The following ADAM2 variants were observed in gnomAD, a reference collection of about 807,000 sequenced individuals.
The protein encoded by ADAM2 is disintegrin and metalloproteinase domain-containing protein 2.
A neutral mutation model predicts 99.3 loss-of-function variants in ADAM2; 101 were observed. That is an observed-to-expected ratio of 1.02 (90% CI 0.87 to 1.20). ADAM2 has a LOEUF of 1.20. ADAM2 is among the 50% of genes most tolerant of loss of function. The pLI is 0.00. For missense variants in ADAM2, 948 were observed against 878.7 expected (o/e 1.08, Z -1.00); for synonymous variants, 323 against 287.6 (o/e 1.12, Z -1.25).
In ADAM2 at chr8:39,824,852, T is replaced by C; in HGVS notation, c.234A>G (p.Thr78=). 6.3e-7 allele frequency: 1 copy of C among 1,577,938 alleles called. No individual in the cohort carries two copies. Among genetic ancestry groups the C allele is most frequent in the Non-Finnish European group, 8.7e-7 (1 of 1,153,024 alleles). Residue 78 remains threonine, a synonymous_variant, in exon 4 of 21, where the codon ACA becomes ACG. Coordinates refer to ENST00000265708, the MANE Select transcript of ADAM2 (RefSeq NM_001464.5). ...CTTGGTCAAGTGGTTTCATAATTCCTGTGCCACTATAACTGTAAACTCTAA... is the reference window on the plus strand; with the variant it reads ...CTTGGTCAAGTGGTTTCATAATTCCCGTGCCACTATAACTGTAAACTCTAA... The part of the protein sequence containing the change: ...HNFRVYSYSG[T]GIMKPLDQDF...
intron 14 of ADAM2, 111 bp from the exon 15 acceptor site, chr8:39,761,392 G>A: frequency 1.9e-6 from 1 of 531,936 alleles, no homozygotes; most frequent in Non-Finnish European, 3.2e-6. Flanking sequence ...TACAAAATAA[G>A]ATCATACTAT....
intron 9 of ADAM2, among the ~76,000 whole-genome samples, chr8:39,787,544 A>C (rs5891067): frequency 0.52 from 73,538 of 141,834 alleles, 18,198 homozygotes; most frequent in South Asian, 0.66. Flanking sequence ...CTCTCTCTCT[A>C]TATATATATA....
At chr8:39,790,213 G>A (rs975447518) in intron 7 of ADAM2, among the ~76,000 whole-genome samples, 5 of 151,684 alleles carry the variant, frequency 3.3e-5, no homozygotes, top group Admixed American at 6.6e-5. Flanking sequence ...AAAATGCATG[G>A]CCACACAAAA....
chr8:39,832,593 T>G (rs537244056), intron 3 of ADAM2, among the ~76,000 whole-genome samples: 1 of 152,362 alleles, frequency 6.6e-6, no homozygotes, highest in Admixed American at 6.5e-5. Context: ...TATTTCTTAC[T>G]ACTTTATTGA....
Position 39,777,148 on chromosome 8 carries a change from A to G in ADAM2, c.905T>C (p.Ile302Thr). The change falls in exon 11 of 21, where the codon ATA becomes ACA. Residue 302 changes from isoleucine (I) to threonine (T), a missense_variant. By Grantham distance (89) the Ile-to-Thr change is moderately conservative. Transcript: ENST00000265708. ...AGGVVLHPRTISLESLAVILA... is the reference protein window; with the variant it reads ...AGGVVLHPRTTSLESLAVILA... ...AATAACTGCAAGTGATTCCAGACTT[A>G]TGGTTCTGGGGTGCTGAGAAAAAAA... 6.2e-7 allele frequency: 1 copy of G among 1,611,202 alleles called. No individual in the cohort carries two copies. The highest frequency in any genetic ancestry group is 8.5e-7 in the Non-Finnish European group (1 of 1,178,310).
At chr8:39,753,621 C>T (rs1409021103) in intron 16 of ADAM2, among the ~76,000 whole-genome samples, 1 of 152,132 alleles carries the variant, frequency 6.6e-6, no homozygotes, top group East Asian at 1.9e-4. Context: ...GGGCAGGGCC[C>T]AGGGTCCCCC....
chr8:39,768,991 C>A (rs1237454583), intron 12 of ADAM2, among the ~76,000 whole-genome samples: 3 of 151,640 alleles, frequency 2.0e-5, no homozygotes, highest in Admixed American at 2.0e-4. Context: ...TTTTGAAAAG[C>A]AAAAGAAAAG....
In ADAM2 at chr8:39,746,505, T is replaced by C; in HGVS notation, c.2141A>G (p.Lys714Arg). ...TGAATAGTCCTCAGTTCTCCATTTT[T>C]TCCTTTGGAAATTAACTTTCACCAT... ...AIMVKVNFQR[K>R]KWRTEDYSSD... Residue 714 changes from lysine (K) to arginine (R), a missense_variant, in exon 19 of 21, where the codon AAA becomes AGA. Lys to Arg is a conservative substitution (Grantham distance 26). Transcript: ENST00000265708. The C allele has an allele frequency of 6.3e-7, 1 of 1,596,588 alleles. No individual in the cohort carries two copies. The highest frequency in any genetic ancestry group is 2.3e-5 in the East Asian group (1 of 44,246).
intron 7 of ADAM2, among the ~76,000 whole-genome samples, chr8:39,801,585 G>A (rs896472): frequency 0.039 from 5,959 of 152,212 alleles, 390 homozygotes; most frequent in African/African-American, 0.14. Context: ...CATTCATCTG[G>A]GCTGCTCGGA....
At chr8:39,761,139 T>C in intron 15 of ADAM2, 37 bp downstream of exon 15, 2 of 1,299,954 alleles carry the variant, frequency 1.5e-6, no homozygotes, top group East Asian at 2.5e-5. Context: ...TATAAGGTGA[T>C]AAATAGAAGT....
intron 3 of ADAM2, among the ~76,000 whole-genome samples, chr8:39,826,586 G>A (rs1430212917): frequency 6.6e-6 from 1 of 152,016 alleles, no homozygotes; most frequent in East Asian, 1.9e-4. Flanking sequence ...AGCCAGGCAT[G>A]GTGGTGGGCG....
At chr8:39,810,409 G>A (rs1380304068) in intron 6 of ADAM2, among the ~76,000 whole-genome samples, 1 of 152,176 alleles carries the variant, frequency 6.6e-6, no homozygotes, top group Non-Finnish European at 1.5e-5. Flanking sequence ...TCCAGGACTT[G>A]AACTCAGCTC....
At chr8:39,824,730 C>A in intron 4 of ADAM2, 89 bp downstream of exon 4, 1 of 744,954 alleles carries the variant, frequency 1.3e-6, no homozygotes, top group South Asian at 1.6e-5. Context: ...CATGACCCAA[C>A]ACTTTAGACT....
At chr8:39,798,840 A>G (rs552277302) in intron 7 of ADAM2, among the ~76,000 whole-genome samples, 1 of 152,108 alleles carries the variant, frequency 6.6e-6, no homozygotes, top group Admixed American at 6.5e-5. Flanking sequence ...AGGTGTTTAT[A>G]CTATTCTCTG....
intron 15 of ADAM2, among the ~76,000 whole-genome samples, chr8:39,760,473 G>A (rs1171859991): frequency 6.6e-6 from 1 of 152,152 alleles, no homozygotes; most frequent in Non-Finnish European, 1.5e-5. Context: ...TATAATCCCA[G>A]CATTTTGGGA....
intron 10 of ADAM2, among the ~76,000 whole-genome samples, chr8:39,779,035 C>T (rs896610428): frequency 1.3e-5 from 2 of 151,594 alleles, no homozygotes; most frequent in African/African-American, 4.8e-5. Flanking sequence ...TGTTCAGTTG[C>T]TCTTGCCTTC....
chr8:39,774,280 C>G (rs1802901886), intron 11 of ADAM2, among the ~76,000 whole-genome samples: 1 of 151,844 alleles, frequency 6.6e-6, no homozygotes, highest in Admixed American at 6.6e-5. Context: ...ACACATCAAA[C>G]TTTTGTTTTA....
chr8:39,747,660 T>C (rs1156798004), intron 18 of ADAM2, among the ~76,000 whole-genome samples: 3 of 152,182 alleles, frequency 2.0e-5, no homozygotes, highest in African/African-American at 7.2e-5. Flanking sequence ...TGAAAATTAG[T>C]TTTACTTTCA....
chr8:39,758,967 A>C (rs1802253253), intron 15 of ADAM2, among the ~76,000 whole-genome samples: 1 of 152,154 alleles, frequency 6.6e-6, no homozygotes. Context: ...CCTACAGTAC[A>C]TTTCTAGATA....
Sources: gnomAD v4.1 joint callset for allele counts (sites outside exome capture counted in the v4.1 genomes callset) on GRCh38, gnomAD v4.1.1 for gene constraint, MANE v1.5 for transcripts, NCBI Gene and HGNC (gene_info 2026-07-23, HGNC 2026-07-21) for gene names.